Variants in EYS observed in about 807,000 individuals in gnomAD.
The protein encoded by EYS is protein eyes shut homolog.
Under a neutral mutation model 282.1 loss-of-function variants are expected in EYS, and 250 were observed. The observed-to-expected ratio is 0.89, with a 90% CI of 0.80 to 0.98. The LOEUF (loss-of-function observed/expected upper bound fraction) is 0.98. Among genes scored for constraint, EYS ranks in the 50% least tolerant of loss-of-function variants. The pLI, the probability that EYS is intolerant of heterozygous loss-of-function variation, is 0.00. For missense variants in EYS, 4,016 were observed against 3,709.0 expected, an observed-to-expected ratio of 1.08 and a Z score of -2.15; for synonymous variants, 1,355 against 1,282.9, an observed-to-expected ratio of 1.06 and a Z score of -1.20.
At chr6:63,850,867 G>T (rs1171292636) in intron 36 of EYS, among the ~76,000 whole-genome samples, 1 of 152,162 alleles carries the variant, frequency 6.6e-6, no homozygotes, top group Non-Finnish European at 1.5e-5. Flanking sequence ...CCAATTAAAA[G>T]ACACAGACTG....
intron 28 of EYS, among the ~76,000 whole-genome samples, chr6:64,423,528 G>A (rs1434031039): frequency 6.6e-6 from 1 of 152,144 alleles, no homozygotes; most frequent in Non-Finnish European, 1.5e-5. Context: ...TACCAACAGA[G>A]GAATCGCTTT....
chr6:63,741,466 G>C (rs1562004475), intron 41 of EYS, among the ~76,000 whole-genome samples: 1 of 152,138 alleles, frequency 6.6e-6, no homozygotes, highest in East Asian at 1.9e-4. Context: ...TAAATGATAT[G>C]GAATATCAAA....
chr6:64,978,855 G>T (rs1414161086), intron 14 of EYS, among the ~76,000 whole-genome samples: 1 of 151,870 alleles, frequency 6.6e-6, no homozygotes, highest in Non-Finnish European at 1.5e-5. Context: ...AGTGGAGCTT[G>T]AACATGTGAC....
intron 35 of EYS, among the ~76,000 whole-genome samples, chr6:63,882,764 G>A (rs375314795): frequency 1.5e-4 from 23 of 152,160 alleles, no homozygotes; most frequent in South Asian, 8.3e-4. Flanking sequence ...TAATTAATCC[G>A]AAACATAAAA....
At chr6:65,554,083 T>C (rs1032331035) in intron 2 of EYS, among the ~76,000 whole-genome samples, 2 of 152,082 alleles carry the variant, frequency 1.3e-5, no homozygotes, top group Non-Finnish European at 2.9e-5. Context: ...TGTAAGGATA[T>C]GAGAAGACGG....
At chr6:64,514,606 C>T (rs9451861) in intron 26 of EYS, among the ~76,000 whole-genome samples, 3,282 of 151,846 alleles carry the variant, frequency 0.022, 61 homozygotes, top group African/African-American at 0.053. Flanking sequence ...GTAATGACAT[C>T]CCCAGTTAAT....
At chr6:64,740,073 A>G (rs1379822242) in intron 22 of EYS, among the ~76,000 whole-genome samples, 1 of 152,146 alleles carries the variant, frequency 6.6e-6, no homozygotes, top group Non-Finnish European at 1.5e-5. Flanking sequence ...GTAATTGCTA[A>G]TAAAACTTAC....
At chr6:64,589,726 A>C (rs1262748533) in intron 26 of EYS, among the ~76,000 whole-genome samples, 1 of 152,074 alleles carries the variant, frequency 6.6e-6, no homozygotes, top group Admixed American at 6.6e-5. Context: ...TGAATTATAT[A>C]AAATGAAACA....
intron 26 of EYS, among the ~76,000 whole-genome samples, chr6:64,552,494 C>T (rs938539819): frequency 2.0e-5 from 3 of 152,134 alleles, no homozygotes; most frequent in Non-Finnish European, 4.4e-5. Flanking sequence ...CCGAAGCCTG[C>T]TACCTGGAGC....
intron 35 of EYS, among the ~76,000 whole-genome samples, chr6:63,897,975 A>G (rs1300090099): frequency 1.3e-5 from 2 of 152,206 alleles, no homozygotes; most frequent in Non-Finnish European, 2.9e-5. Context: ...ATTATCACTC[A>G]TGAAACCTGA....
intron 29 of EYS, among the ~76,000 whole-genome samples, chr6:64,343,410 A>C (rs4296878): frequency 1.3e-5 from 2 of 152,190 alleles, no homozygotes; most frequent in East Asian, 3.9e-4. Context: ...AACTCACTCA[A>C]AACTGCTCAA....
At chr6:65,519,955 G>A (rs1767304763) in intron 2 of EYS, among the ~76,000 whole-genome samples, 1 of 148,240 alleles carries the variant, frequency 6.7e-6, no homozygotes, top group African/African-American at 2.5e-5. Context: ...TTTTCTAAAC[G>A]ATGTATGGAT....
chr6:65,361,501 G>GTT (rs1307063559), intron 8 of EYS, among the ~76,000 whole-genome samples: 1 of 83,718 alleles, frequency 1.2e-5, no homozygotes. Flanking sequence ...TTTTTTTTTG[G>GTT]TCTGTGTCTC....
intron 12 of EYS, among the ~76,000 whole-genome samples, chr6:65,232,478 TA>T (rs1474724827): frequency 1.3e-5 from 2 of 152,078 alleles, no homozygotes; most frequent in Non-Finnish European, 2.9e-5. Flanking sequence ...TCTATAATAA[TA>T]AGGATAAAAT....
intron 28 of EYS, among the ~76,000 whole-genome samples, chr6:64,396,697 G>A (rs1773390517): frequency 1.3e-5 from 2 of 152,058 alleles, no homozygotes; most frequent in African/African-American, 4.8e-5. Context: ...CTGTTCTGCA[G>A]TATCGCTTCT....
intron 33 of EYS, among the ~76,000 whole-genome samples, chr6:64,034,910 G>T (rs1161623400): frequency 6.6e-6 from 1 of 152,150 alleles, no homozygotes. Context: ...TCTTACCAAA[G>T]CAACATGTGG....
intron 22 of EYS, among the ~76,000 whole-genome samples, chr6:64,674,225 C>T (rs1769570819): frequency 6.6e-6 from 1 of 151,962 alleles, no homozygotes; most frequent in Non-Finnish European, 1.5e-5. Context: ...TACAAATATC[C>T]TTGGAATGCT....
At chr6:64,817,254 T>A (rs1354596021) in intron 21 of EYS, among the ~76,000 whole-genome samples, 1 of 152,092 alleles carries the variant, frequency 6.6e-6, no homozygotes, top group Non-Finnish European at 1.5e-5. Context: ...GTTAAATAAG[T>A]CCCTTTTAAA....
chr6:64,775,634 A>G (rs1773655942), intron 22 of EYS, among the ~76,000 whole-genome samples: 1 of 152,022 alleles, frequency 6.6e-6, no homozygotes, highest in Non-Finnish European at 1.5e-5. Context: ...CTAGGCCACA[A>G]AATTTTCTTA....
Sources: allele counts gnomAD v4.1 joint callset (sites outside exome capture counted in the v4.1 genomes callset), GRCh38; gene constraint gnomAD v4.1.1; transcripts MANE v1.5; gene names NCBI Gene and HGNC (gene_info 2026-07-23, HGNC 2026-07-21).